EPB41L1: variants seen among roughly 807,000 people sequenced by gnomAD.
EPB41L1 encodes erythrocyte membrane protein band 4.1 like 1.
EPB41L1 carries 29 observed loss-of-function variants against 97.8 expected under a neutral mutation model. The ratio of observed to expected loss-of-function variants is 0.30; its 90% CI spans 0.22 to 0.40. The LOEUF (loss-of-function observed/expected upper bound fraction) is 0.40. Ranked by LOEUF, EPB41L1 falls within the 10% of genes least tolerant of loss-of-function variation. The pLI is 1.00. For missense variants in EPB41L1, 812 were observed against 1,162.3 expected (o/e 0.70, Z 4.38); for synonymous variants, 383 against 459.2 (o/e 0.83, Z 2.12).
intron 1 of EPB41L1, among the ~76,000 whole-genome samples, chr20:36,167,406 G>A (rs1368915889): frequency 2.6e-5 from 4 of 152,052 alleles, no homozygotes; most frequent in Non-Finnish European, 4.4e-5. Flanking sequence ...GGCCCTTGGG[G>A]GTTTTAAAGA....
rs1258886245 is a variant in EPB41L1, at chr20:36,173,793, G to A, written c.16G>A (p.Gly6Ser). ...GCTGGTCACCATGACAACAGAGACA[G>A]GCCCCGACTCTGAGGTGAAGAAAGC... MTTET[G>S]PDSEVKKAQE... is the part of the protein sequence containing the mutation. Residue 6 changes from glycine (G) to serine (S), a missense_variant, in exon 2 of 22, where the codon GGC becomes AGC. Gly to Ser is a moderately conservative substitution (Grantham distance 56). Transcript: ENST00000338074. The A allele has an allele frequency of 3.7e-6, 6 of 1,614,018 alleles. No homozygotes were observed. In the Admixed American group the frequency reaches 6.7e-5, roughly 18 times the overall value.
intron 2 of EPB41L1, among the ~76,000 whole-genome samples, chr20:36,119,536 G>A (rs950544978): frequency 2.0e-5 from 3 of 152,052 alleles, no homozygotes; most frequent in Middle Eastern, 3.2e-3. Context: ...TGGTAGGGTT[G>A]CAGAGAGTCG....
At chr20:36,111,669 C>T (rs1422450807) in intron 1 of EPB41L1, among the ~76,000 whole-genome samples, 2 of 151,974 alleles carry the variant, frequency 1.3e-5, no homozygotes, top group Non-Finnish European at 2.9e-5. Context: ...CGCCTGTAAT[C>T]CCAGCTACTT....
intron 15 of EPB41L1, among the ~76,000 whole-genome samples, chr20:36,210,562 A>C (rs1001027933): frequency 1.3e-4 from 20 of 151,964 alleles, no homozygotes; most frequent in Non-Finnish European, 2.8e-4. Context: ...TGGCATTGAA[A>C]TATGAGCTTA....
chr20:36,164,599 A>C (rs544198236), intron 1 of EPB41L1, among the ~76,000 whole-genome samples: 55 of 152,362 alleles, frequency 3.6e-4, no homozygotes, highest in African/African-American at 1.1e-3. Flanking sequence ...ATGCATACAA[A>C]GACATGCTTC....
chr20:36,137,586 G>A (rs561324623), intron 2 of EPB41L1, among the ~76,000 whole-genome samples: 3 of 151,814 alleles, frequency 2.0e-5, no homozygotes, highest in African/African-American at 2.4e-5. Context: ...GTGCAATGGC[G>A]CGATCTTGGC....
chr20:36,219,747 G>A lies in EPB41L1; in HGVS notation c.2356-14G>A. 1 of 1,613,966 alleles carries A rather than the reference G, an allele frequency of 6.2e-7. No homozygotes were observed. The highest frequency in any genetic ancestry group is 8.5e-7 in the Non-Finnish European group (1 of 1,179,864). On this transcript the variant is annotated splice_polypyrimidine_tract_variant and intron_variant, in intron 18 of 21. Transcript: ENST00000338074. ...TACCTGACACCCTGGGTGGGGGGTG[G>A]TTATATTCTGCAGATCATCGGGAAA...
intron 7 of EPB41L1, 63 bp downstream of exon 7, chr20:36,185,398 C>A: frequency 6.8e-7 from 1 of 1,480,488 alleles, no homozygotes. Context: ...TCCTTGCAGG[C>A]CTGAATGTCC....
intron 1 of EPB41L1, among the ~76,000 whole-genome samples, chr20:36,158,325 C>T (rs994321487): frequency 6.6e-6 from 1 of 152,200 alleles, no homozygotes; most frequent in African/African-American, 2.4e-5. Context: ...AGACATGACA[C>T]ACTAAAAGTA....
intron 1 of EPB41L1, 65 bp from the exon 2 acceptor site, chr20:36,173,699 G>C: frequency 2.1e-6 from 3 of 1,461,174 alleles, no homozygotes; most frequent in South Asian, 1.1e-5. Flanking sequence ...TGTGGTTCCT[G>C]CCCCTCTCGC....
Position 36,160,598 on chromosome 20 carries a change from A to G in EPB41L1, c.-15+5702A>G, listed in dbSNP as rs117153257. 3.8e-3 allele frequency among the ~76,000 whole-genome samples: 572 copies of G among 152,156 alleles called. 20 individuals are homozygous for G. In the East Asian group the frequency reaches 0.096, roughly 26 times the overall value. On this transcript the variant is annotated intron_variant, in intron 1 of 21. Coordinates refer to ENST00000338074, the MANE Select transcript of EPB41L1 (RefSeq NM_012156.2). ...GAGCGAGACTCCGTCACAAAAAAAA[A>G]AAAGAAAGAAAGAAAGAAAAAAAGT... is the stretch of plus-strand genomic sequence containing the variant.
intron 5 of EPB41L1, among the ~76,000 whole-genome samples, chr20:36,179,462 A>T (rs568835140): frequency 6.6e-6 from 1 of 152,232 alleles, no homozygotes; most frequent in Non-Finnish European, 1.5e-5. Context: ...TTCCAACACC[A>T]TCCTGTGCTC....
intron 2 of EPB41L1, among the ~76,000 whole-genome samples, chr20:36,141,887 C>G (rs2059652217): frequency 6.6e-6 from 1 of 152,098 alleles, no homozygotes; most frequent in Admixed American, 6.6e-5. Flanking sequence ...GTGGACAGAT[C>G]ACTTGAGGTC....
chr20:36,200,226 A>G (rs775195778), intron 14 of EPB41L1, among the ~76,000 whole-genome samples: 3 of 152,200 alleles, frequency 2.0e-5, no homozygotes, highest in Non-Finnish European at 2.9e-5. Context: ...TGGTCATTCC[A>G]TAGGGTAGTT....
intron 9 of EPB41L1, among the ~76,000 whole-genome samples, chr20:36,189,388 C>G (rs2061844390): frequency 6.6e-6 from 1 of 152,150 alleles, no homozygotes; most frequent in Admixed American, 6.5e-5. Flanking sequence ...AAACTTCAAA[C>G]TCCTTCCATG....
chr20:36,105,088 C>A (rs551504875), intron 1 of EPB41L1, among the ~76,000 whole-genome samples: 1 of 151,988 alleles, frequency 6.6e-6, no homozygotes, highest in Non-Finnish European at 1.5e-5. Context: ...TAGGTGGGAA[C>A]CAGGGGAATA....
At chr20:36,211,896 G>C (rs1218373384) in intron 15 of EPB41L1, among the ~76,000 whole-genome samples, 1 of 152,164 alleles carries the variant, frequency 6.6e-6, no homozygotes, top group African/African-American at 2.4e-5. Context: ...GCTGAGAGGT[G>C]GTGAGCTCAC....
chr20:36,155,982 T>G (rs1391174486), intron 1 of EPB41L1, among the ~76,000 whole-genome samples: 1 of 150,824 alleles, frequency 6.6e-6, no homozygotes, highest in East Asian at 2.0e-4. Context: ...GGGGCCTGGA[T>G]GGTGCCCTCC....
At chr20:36,111,948 C>A (rs1383864746) in intron 1 of EPB41L1, among the ~76,000 whole-genome samples, 2 of 152,224 alleles carry the variant, frequency 1.3e-5, no homozygotes, top group East Asian at 1.9e-4. Flanking sequence ...GGGGCCCCTG[C>A]TCTCCCTTCT....
Sources: gnomAD v4.1 joint callset for allele counts (sites outside exome capture counted in the v4.1 genomes callset) on GRCh38, gnomAD v4.1.1 for gene constraint, MANE v1.5 for transcripts, NCBI Gene and HGNC (gene_info 2026-07-23, HGNC 2026-07-21) for gene names.